Variants in KLF12 observed in about 807,000 individuals in gnomAD.
The protein encoded by KLF12 is KLF transcription factor 12, also known as Krueppel-like factor 12.
In KLF12, 9 loss-of-function variants were observed where a neutral mutation model predicts 37.8. That is an observed-to-expected ratio of 0.24 (90% confidence interval 0.14 to 0.42). The LOEUF (loss-of-function observed/expected upper bound fraction) is 0.42, where lower values mean the gene tolerates loss of function less well. Among genes scored for constraint, KLF12 ranks in the 10% least tolerant of loss-of-function variants. The pLI, the probability that KLF12 is intolerant of heterozygous loss-of-function variation, is 1.00. For missense variants in KLF12, 411 were observed against 516.0 expected, an observed-to-expected ratio of 0.80 and a Z score of 1.97; for synonymous variants, 208 against 202.1, an observed-to-expected ratio of 1.03 and a Z score of -0.25.
chr13:73,991,167 A>G (rs560380097), intron 2 of KLF12, among the ~76,000 whole-genome samples: 28 of 152,338 alleles, frequency 1.8e-4, no homozygotes, highest in African/African-American at 6.5e-4. Flanking sequence ...ATATTTTAAT[A>G]AATACTATGA....
the KLF12 span, among the ~76,000 whole-genome samples, chr13:74,159,225 C>G: frequency 6.6e-6 from 1 of 152,184 alleles, no homozygotes. Flanking sequence ...GTGGCAAACA[C>G]ACAGGGGACA....
chr13:73,753,102 T>C (rs1878897536), intron 6 of KLF12, among the ~76,000 whole-genome samples: 1 of 151,954 alleles, frequency 6.6e-6, no homozygotes, highest in African/African-American at 2.4e-5. Context: ...AGACTAAGCC[T>C]GAAACATAAG....
chr13:73,885,798 C>G (rs1028755054), intron 3 of KLF12, among the ~76,000 whole-genome samples: 4 of 152,166 alleles, frequency 2.6e-5, no homozygotes, highest in African/African-American at 9.7e-5. Flanking sequence ...AAGGGAGTGA[C>G]AGCAGAAGTT....
the KLF12 span, among the ~76,000 whole-genome samples, chr13:74,218,950 A>G: frequency 8.2e-6 from 1 of 121,524 alleles, no homozygotes; most frequent in African/African-American, 3.0e-5. Flanking sequence ...ATGTAAACTT[A>G]TAAAAATAAG....
chr13:74,191,048 C>A, the KLF12 span, among the ~76,000 whole-genome samples: 2 of 152,152 alleles, frequency 1.3e-5, no homozygotes, highest in African/African-American at 4.8e-5. Context: ...CTTTTGAAGC[C>A]AGAAGCTAGG....
chr13:73,919,520 T>A (rs1889013489), intron 3 of KLF12, among the ~76,000 whole-genome samples: 1 of 152,100 alleles, frequency 6.6e-6, no homozygotes, highest in Non-Finnish European at 1.5e-5. Context: ...CCACAGTAAT[T>A]TTTTTTAAAA....
intron 5 of KLF12, among the ~76,000 whole-genome samples, chr13:73,773,371 C>T (rs1880390671): frequency 6.6e-6 from 1 of 152,178 alleles, no homozygotes; most frequent in Non-Finnish European, 1.5e-5. Flanking sequence ...GATCTCATGA[C>T]CAACGTCAGG....
chr13:73,889,657 G>A (rs1459443228), intron 3 of KLF12, among the ~76,000 whole-genome samples: 5 of 151,958 alleles, frequency 3.3e-5, no homozygotes, highest in Admixed American at 3.3e-4. Flanking sequence ...TACCCAAAAG[G>A]ACCCAAGAGT....
At chr13:73,791,981 C>G (rs1413171280) in intron 5 of KLF12, among the ~76,000 whole-genome samples, 2 of 152,172 alleles carry the variant, frequency 1.3e-5, no homozygotes, top group Non-Finnish European at 2.9e-5. Context: ...CAGCTATTTT[C>G]AACTGCTTTT....
At chr13:74,236,025 A>G in the KLF12 span, among the ~76,000 whole-genome samples, 1 of 149,510 alleles carries the variant, frequency 6.7e-6, no homozygotes, top group African/African-American at 2.5e-5. Context: ...TACATGTGCC[A>G]TGCTGGTGCG....
chr13:73,700,059 C>T (rs1874432089), intron 7 of KLF12, among the ~76,000 whole-genome samples: 1 of 151,974 alleles, frequency 6.6e-6, no homozygotes, highest in Non-Finnish European at 1.5e-5. Context: ...CACTTGAGGC[C>T]AGGAGTTCAA....
At chr13:73,747,489 C>T (rs575625097) in intron 6 of KLF12, among the ~76,000 whole-genome samples, 1 of 152,296 alleles carries the variant, frequency 6.6e-6, no homozygotes, top group South Asian at 2.1e-4. Context: ...GTTAACCTAG[C>T]TCTCAAATTG....
intron 1 of KLF12, among the ~76,000 whole-genome samples, chr13:74,128,140 T>C (rs1363115119): frequency 1.3e-5 from 2 of 152,244 alleles, no homozygotes; most frequent in Non-Finnish European, 2.9e-5. Context: ...ACCTGTATTA[T>C]ATAAATGTTA....
chr13:73,801,448 T>C (rs1882274473), intron 5 of KLF12: 1 of 152,150 alleles, frequency 6.6e-6, no homozygotes, highest in Non-Finnish European at 1.5e-5. Context: ...TTCTGGGAAC[T>C]TGTAGTGAAA....
intron 1 of KLF12, among the ~76,000 whole-genome samples, chr13:74,056,450 G>GAATTTCAT (rs1873249712): frequency 6.6e-6 from 1 of 152,172 alleles, no homozygotes; most frequent in Non-Finnish European, 1.5e-5. Flanking sequence ...TATGGTGTGT[G>GAATTTCAT]ATGAATAAGA....
At chr13:73,700,704 A>C (rs936025609) in intron 7 of KLF12, among the ~76,000 whole-genome samples, 5 of 152,110 alleles carry the variant, frequency 3.3e-5, no homozygotes, top group Non-Finnish European at 7.3e-5. Flanking sequence ...ACCTGTTTTC[A>C]TTATATACGC....
intron 1 of KLF12, among the ~76,000 whole-genome samples, chr13:74,020,038 C>T (rs913529487): frequency 6.6e-6 from 1 of 152,208 alleles, no homozygotes; most frequent in Admixed American, 6.5e-5. Flanking sequence ...AGAAGAAAAA[C>T]CCAGTCTGCC....
chr13:73,717,217 T>C (rs1049218016), intron 6 of KLF12, among the ~76,000 whole-genome samples: 3 of 152,170 alleles, frequency 2.0e-5, no homozygotes, highest in Non-Finnish European at 2.9e-5. Context: ...AAGCCTGTAA[T>C]CCCAGCACTT....
At chr13:74,259,117 A>T in the KLF12 span, 1 of 152,328 alleles carries the variant, frequency 6.6e-6, no homozygotes, top group African/African-American at 2.4e-5. Flanking sequence ...GGCCAGAGAA[A>T]GCCCGAGGAT....
Sources: allele counts gnomAD v4.1 joint callset (sites outside exome capture counted in the v4.1 genomes callset), GRCh38; gene constraint gnomAD v4.1.1; transcripts MANE v1.5; gene names NCBI Gene and HGNC (gene_info 2026-07-23, HGNC 2026-07-21).